Variants in TMEM132D observed in about 807,000 individuals in gnomAD.
The protein encoded by TMEM132D is mature OL transmembrane protein.
Under a neutral mutation model 62.3 loss-of-function variants are expected in TMEM132D, and 21 were observed. That is an observed-to-expected ratio of 0.34 (90% CI 0.24 to 0.49). The LOEUF (loss-of-function observed/expected upper bound fraction) is 0.49. Among genes scored for constraint, TMEM132D ranks in the 20% least tolerant of loss-of-function variants. The pLI is 0.99. For synonymous variants in TMEM132D, 621 were observed against 575.6 expected (o/e 1.08, Z -1.13); for missense variants, 1,346 against 1,402.8 (o/e 0.96, Z 0.65).
chr12:129,651,275 G>A (rs1879920714), intron 2 of TMEM132D, among the ~76,000 whole-genome samples: 1 of 152,154 alleles, frequency 6.6e-6, no homozygotes, highest in South Asian at 2.1e-4. Context: ...TTTTAACTGA[G>A]CATATTCTTT....
At chr12:129,640,800 C>A (rs1879623230) in intron 2 of TMEM132D, among the ~76,000 whole-genome samples, 1 of 152,158 alleles carries the variant, frequency 6.6e-6, no homozygotes, top group Admixed American at 6.6e-5. Flanking sequence ...GTATTTACAG[C>A]CACTCCCCAA....
At chr12:129,207,396 C>T (rs1341752049) in intron 5 of TMEM132D, among the ~76,000 whole-genome samples, 1 of 151,982 alleles carries the variant, frequency 6.6e-6, no homozygotes, top group Non-Finnish European at 1.5e-5. Flanking sequence ...TCTGTGAATA[C>T]ATAAACGTAT....
chr12:129,406,393 C>T (rs1021625875), intron 3 of TMEM132D, among the ~76,000 whole-genome samples: 4 of 152,206 alleles, frequency 2.6e-5, no homozygotes, highest in Admixed American at 6.5e-5. Context: ...GGTCGAGGCG[C>T]GTGGATCACG....
intron 3 of TMEM132D, among the ~76,000 whole-genome samples, chr12:129,526,221 A>G (rs1323891801): frequency 6.6e-6 from 1 of 152,112 alleles, no homozygotes; most frequent in Non-Finnish European, 1.5e-5. Flanking sequence ...CCACATGTGT[A>G]TTCTTTATAA....
At chr12:129,119,442 T>TA (rs924434060) in intron 5 of TMEM132D, among the ~76,000 whole-genome samples, 1 of 152,124 alleles carries the variant, frequency 6.6e-6, no homozygotes, top group Non-Finnish European at 1.5e-5. Flanking sequence ...TACTCCACCA[T>TA]AAAAAAGAAT....
intron 3 of TMEM132D, among the ~76,000 whole-genome samples, chr12:129,475,421 C>T (rs1874226738): frequency 1.3e-5 from 2 of 152,206 alleles, no homozygotes; most frequent in Non-Finnish European, 2.9e-5. Flanking sequence ...CTTCCACAAA[C>T]TGTTTCCTCA....
intron 3 of TMEM132D, among the ~76,000 whole-genome samples, chr12:129,516,268 G>A (rs1875671458): frequency 6.6e-6 from 1 of 152,170 alleles, no homozygotes; most frequent in African/African-American, 2.4e-5. Flanking sequence ...AAGTCTATAA[G>A]TGCAACGTCT....
chr12:129,312,196 A>G (rs570771553), intron 4 of TMEM132D, among the ~76,000 whole-genome samples: 51 of 152,334 alleles, frequency 3.3e-4, no homozygotes, highest in Admixed American at 1.1e-3. Flanking sequence ...TACTGTGGAG[A>G]CAAAGCAGAC....
intron 4 of TMEM132D, among the ~76,000 whole-genome samples, chr12:129,248,227 G>A (rs1346565643): frequency 2.0e-5 from 3 of 152,156 alleles, no homozygotes; most frequent in Admixed American, 6.5e-5. Context: ...TGCTGAAACC[G>A]TGTCATAGGT....
chr12:129,647,803 C>G (rs1453453733), intron 2 of TMEM132D, among the ~76,000 whole-genome samples: 1 of 152,012 alleles, frequency 6.6e-6, no homozygotes, highest in African/African-American at 2.4e-5. Flanking sequence ...CTTTAAGCAT[C>G]CTGGGTAATA....
intron 5 of TMEM132D, among the ~76,000 whole-genome samples, chr12:129,131,610 A>AAAAG (rs36097196): frequency 0.14 from 21,116 of 151,692 alleles, 1,732 homozygotes; most frequent in East Asian, 0.3. Context: ...TCTGTCTAAA[A>AAAAG]AAAGAAAGAA....
chr12:129,401,328 A>G (rs1871614632), intron 3 of TMEM132D, among the ~76,000 whole-genome samples: 1 of 152,214 alleles, frequency 6.6e-6, no homozygotes, highest in Non-Finnish European at 1.5e-5. Context: ...ACACATGAAG[A>G]GGCCAAGGCA....
chr12:129,150,833 G>A (rs1014107034), intron 5 of TMEM132D, among the ~76,000 whole-genome samples: 9 of 152,240 alleles, frequency 5.9e-5, no homozygotes, highest in Admixed American at 1.3e-4. Flanking sequence ...CTGTGGCCCC[G>A]GACTAAAGTG....
chr12:129,662,569 C>T (rs1480273028), intron 2 of TMEM132D, among the ~76,000 whole-genome samples: 9 of 152,060 alleles, frequency 5.9e-5, no homozygotes, highest in South Asian at 2.1e-4. Flanking sequence ...CCAAGGCAGG[C>T]GGATCACGAG....
chr12:129,745,484 A>G (rs1222371582), intron 1 of TMEM132D, among the ~76,000 whole-genome samples: 1 of 152,094 alleles, frequency 6.6e-6, no homozygotes, highest in Non-Finnish European at 1.5e-5. Context: ...CCCTTTCACA[A>G]CAGCCATCCC....
chr12:129,469,871 T>C (rs1412792359), intron 3 of TMEM132D, among the ~76,000 whole-genome samples: 1 of 152,212 alleles, frequency 6.6e-6, no homozygotes, highest in Non-Finnish European at 1.5e-5. Flanking sequence ...ACCTTAGGTC[T>C]CTGTTGGATG....
chr12:129,186,321 G>T (rs1878221183), intron 5 of TMEM132D, among the ~76,000 whole-genome samples: 1 of 152,200 alleles, frequency 6.6e-6, no homozygotes, highest in South Asian at 2.1e-4. Context: ...AGACCCCTCA[G>T]CTTTGCCTCC....
In TMEM132D at chr12:129,436,979, A is replaced by G. The variant is rs540408942; in HGVS notation, c.1115+94080T>C. Among the ~76,000 whole-genome samples the G allele has an allele frequency of 1.2e-4, 18 of 152,310 alleles. No individual in the cohort carries two copies. The South Asian group carries it at 2.9e-3, about 25-fold the overall frequency. ...TACACAGAACAATTACTGAGGATAA[A>G]TGTCTATCATAGAGACTGCTCCATC... On this transcript the variant is annotated intron_variant, in intron 3 of 8. Coordinates refer to ENST00000422113, the MANE Select transcript of TMEM132D (RefSeq NM_133448.3).
rs965723268 is a variant in TMEM132D, at chr12:129,653,322, T to C, written c.968+46488A>G. The stretch of plus-strand genomic sequence containing the variant: ...CACACAGCCAGGGCTTCCGGCTAAG[T>C]GCAATGTGAAGGTGCTGGAACAGCT... On this transcript the variant is annotated intron_variant, in intron 2 of 8. Transcript: ENST00000422113. Among the ~76,000 whole-genome samples the C allele has an allele frequency of 2.0e-5, 3 of 152,104 alleles. No homozygotes were observed. The South Asian group carries it at 6.2e-4, about 32-fold the overall frequency.
Sources: gnomAD v4.1 joint callset for allele counts (sites outside exome capture counted in the v4.1 genomes callset) on GRCh38, gnomAD v4.1.1 for gene constraint, MANE v1.5 for transcripts, NCBI Gene and HGNC (gene_info 2026-07-23, HGNC 2026-07-21) for gene names.